The following MGAT4C variants were observed in gnomAD, a reference collection of about 807,000 sequenced individuals.
The protein encoded by MGAT4C is alpha-1,3-mannosyl-glycoprotein 4-beta-N-acetylglucosaminyltransferase C.
Under a neutral mutation model 40.1 loss-of-function variants are expected in MGAT4C, and 19 were observed. That is an observed-to-expected ratio of 0.47 (90% CI 0.33 to 0.70). The LOEUF (loss-of-function observed/expected upper bound fraction) is 0.70. Ranked by LOEUF, MGAT4C falls within the 30% of genes least tolerant of loss-of-function variation. The pLI is 0.02. For missense variants in MGAT4C, 491 were observed against 563.2 expected (o/e 0.87, Z 1.30); for synonymous variants, 181 against 187.1 (o/e 0.97, Z 0.27).
At chr12:86,521,671 T>G (rs1405716208) in intron 2 of MGAT4C, among the ~76,000 whole-genome samples, 3 of 152,006 alleles carry the variant, frequency 2.0e-5, no homozygotes, top group African/African-American at 7.2e-5. Context: ...ATATAAATAT[T>G]TAATCTATAA....
intron 2 of MGAT4C, among the ~76,000 whole-genome samples, chr12:86,716,808 T>C (rs1475316138): frequency 1.3e-5 from 2 of 152,178 alleles, no homozygotes; most frequent in East Asian, 3.9e-4. Context: ...GAAAGTTAAG[T>C]TGAGATGGGG....
chr12:86,412,700 C>G (rs2136247040), intron 3 of MGAT4C, among the ~76,000 whole-genome samples: 1 of 152,234 alleles, frequency 6.6e-6, no homozygotes, highest in Non-Finnish European at 1.5e-5. Context: ...GAAATTAAGA[C>G]TTTAGGGGAC....
At chr12:86,828,523 T>C (rs1271708408) in intron 1 of MGAT4C, among the ~76,000 whole-genome samples, 1 of 151,500 alleles carries the variant, frequency 6.6e-6, no homozygotes, top group East Asian at 1.9e-4. Flanking sequence ...TTAGTTGGTT[T>C]TGAAACACAC....
intron 2 of MGAT4C, among the ~76,000 whole-genome samples, chr12:86,437,968 T>C (rs1957165905): frequency 6.6e-6 from 1 of 151,838 alleles, no homozygotes; most frequent in Non-Finnish European, 1.5e-5. Context: ...AGCCCTACAA[T>C]GGCTTCTAAG....
At chr12:86,558,037 A>G (rs1399114109) in intron 2 of MGAT4C, among the ~76,000 whole-genome samples, 1 of 152,092 alleles carries the variant, frequency 6.6e-6, no homozygotes, top group Non-Finnish European at 1.5e-5. Context: ...GCAACCAAAT[A>G]GAAATCCTGG....
At chr12:86,782,465 G>A (rs1489461580) in intron 1 of MGAT4C, among the ~76,000 whole-genome samples, 1 of 152,114 alleles carries the variant, frequency 6.6e-6, no homozygotes, top group Non-Finnish European at 1.5e-5. Flanking sequence ...ACAGGAGTGA[G>A]CCACCGCGCC....
intron 2 of MGAT4C, among the ~76,000 whole-genome samples, chr12:86,528,865 G>A (rs967239628): frequency 4.6e-5 from 7 of 151,738 alleles, no homozygotes; most frequent in Non-Finnish European, 7.4e-5. Context: ...TCACATCAAA[G>A]TGATGCAAAA....
At chr12:86,265,245 C>T (rs1327182757) in intron 4 of MGAT4C, among the ~76,000 whole-genome samples, 1 of 152,206 alleles carries the variant, frequency 6.6e-6, no homozygotes, top group Non-Finnish European at 1.5e-5. Context: ...CAAGCGCAGC[C>T]TGCCAGGCCA....
At position 86,302,704 on chromosome 12, in the gene MGAT4C, C is replaced by T. The variant is rs10858410; in HGVS notation, c.-57+31361G>A. Among the ~76,000 whole-genome samples, 1,199 of 150,752 alleles carry T rather than the reference C, an allele frequency of 8.0e-3. 42 individuals are homozygous for T. Among genetic ancestry groups the T allele is most frequent in the East Asian group, 0.057 (293 of 5,138 alleles). On this transcript the variant is annotated intron_variant, in intron 4 of 7. Transcript: ENST00000548651. The stretch of plus-strand genomic sequence containing the variant: ...TTGGCCTCCCAAAGTGCTGGGATTA[C>T]AGGTGTGAGCCACCGCACCAGGACA...
At chr12:86,237,010 T>TTATA (rs201481874) in intron 1 of MGAT4C, among the ~76,000 whole-genome samples, 1 of 149,848 alleles carries the variant, frequency 6.7e-6, no homozygotes, top group African/African-American at 2.4e-5. Context: ...ATGTTAATAT[T>TTATA]TATATATATA....
intron 2 of MGAT4C, among the ~76,000 whole-genome samples, chr12:85,998,191 T>C (rs1451427103): frequency 1.3e-5 from 2 of 152,158 alleles, no homozygotes; most frequent in African/African-American, 4.8e-5. Context: ...CTTTCAGCCA[T>C]GGCTAGAGTG....
Position 86,522,016 on chromosome 12 carries a change from G to A in MGAT4C, c.-228-86751C>T, listed in dbSNP as rs112883168. Among the ~76,000 whole-genome samples, 499 of 152,210 alleles carry A rather than the reference G, an allele frequency of 3.3e-3. 1 individual carries two copies. The highest frequency in any genetic ancestry group is 0.012 in the African/African-American group (482 of 41,540). On this transcript the variant is annotated intron_variant, in intron 2 of 7. Coordinates refer to the MGAT4C transcript ENST00000548651. ...GGAGATTTGGGGCTGAGACTATGGG[G>A]TTTTCTAGACAAAGCATCATGTCAT...
intron 1 of MGAT4C, among the ~76,000 whole-genome samples, chr12:86,129,912 C>A (rs1320182056): frequency 2.0e-5 from 3 of 152,106 alleles, no homozygotes; most frequent in African/African-American, 7.2e-5. Context: ...TCAGTCTACC[C>A]CTACAACATA....
chr12:86,143,806 T>C (rs983282562), intron 1 of MGAT4C, among the ~76,000 whole-genome samples: 1 of 152,150 alleles, frequency 6.6e-6, no homozygotes. Flanking sequence ...ATACTAAACA[T>C]ACTATTTTAG....
rs192099521 is a variant in MGAT4C at position 86,504,681 on chromosome 12, A to T, written c.-228-69416T>A. ...AATAGGAGGACAACATATACATAGG[A>T]AAACAATCTTTTTTTTTATTTTTGA... On this transcript the variant is annotated intron_variant, in intron 2 of 7. Transcript: ENST00000548651. 3.0e-3 allele frequency among the ~76,000 whole-genome samples: 464 copies of T among 152,146 alleles called. 1 individual carries two copies. Among genetic ancestry groups the T allele is most frequent in the Middle Eastern group, 6.8e-3 (2 of 294 alleles).
intron 1 of MGAT4C, among the ~76,000 whole-genome samples, chr12:86,131,121 T>G (rs902972014): frequency 6.6e-6 from 1 of 152,120 alleles, no homozygotes; most frequent in African/African-American, 2.4e-5. Flanking sequence ...TCATGCCAAT[T>G]ACTAGCCATA....
chr12:86,120,658 A>G (rs1276185319), intron 1 of MGAT4C, among the ~76,000 whole-genome samples: 2 of 152,186 alleles, frequency 1.3e-5, no homozygotes, highest in Non-Finnish European at 2.9e-5. Flanking sequence ...GCAAACTCCA[A>G]CAGACTTGCA....
At chr12:86,330,700 A>C (rs1247007281) in intron 4 of MGAT4C, among the ~76,000 whole-genome samples, 3 of 152,206 alleles carry the variant, frequency 2.0e-5, no homozygotes, top group Non-Finnish European at 4.4e-5. Context: ...CAGTCAACAA[A>C]ATGTTTTGAT....
chr12:86,798,341 C>T (rs992601474), intron 1 of MGAT4C, among the ~76,000 whole-genome samples: 1 of 151,858 alleles, frequency 6.6e-6, no homozygotes, highest in Admixed American at 6.6e-5. Flanking sequence ...GAATGTTCTT[C>T]CCATCTTCCT....
Sources: gnomAD v4.1 joint callset for allele counts (sites outside exome capture counted in the v4.1 genomes callset) on GRCh38, gnomAD v4.1.1 for gene constraint, MANE v1.5 for transcripts, NCBI Gene and HGNC (gene_info 2026-07-23, HGNC 2026-07-21) for gene names.